PITPNB: variants seen among roughly 807,000 people sequenced by gnomAD.
PITPNB encodes phosphatidylinositol transfer protein beta.
A neutral mutation model predicts 45.9 loss-of-function variants in PITPNB; 16 were observed. The observed-to-expected ratio is 0.35, with a 90% confidence interval of 0.24 to 0.53. PITPNB has a LOEUF of 0.53. Among genes scored for constraint, PITPNB ranks in the 20% least tolerant of loss-of-function variants. The pLI, the probability that PITPNB is intolerant of heterozygous loss-of-function variation, is 0.93. For missense variants in PITPNB, 188 were observed against 330.5 expected (o/e 0.57, Z 3.34); for synonymous variants, 112 against 108.9 (o/e 1.03, Z -0.18).
chr22:27,917,310 G>C (rs1339184585), intron 1 of PITPNB, among the ~76,000 whole-genome samples: 1 of 152,194 alleles, frequency 6.6e-6, no homozygotes, highest in Non-Finnish European at 1.5e-5. Flanking sequence ...CTGTGTGTCT[G>C]TAACACTTTT....
intron 7 of PITPNB, among the ~76,000 whole-genome samples, chr22:27,875,833 C>T (rs955178927): frequency 6.6e-6 from 1 of 152,090 alleles, no homozygotes; most frequent in Non-Finnish European, 1.5e-5. Context: ...AAGAATCAGT[C>T]TAGTTGGGAT....
intron 6 of PITPNB, 32 bp downstream of exon 6, chr22:27,896,520 T>TAAAAC (rs780301963): frequency 6.9e-7 from 1 of 1,447,434 alleles, no homozygotes; most frequent in East Asian, 2.3e-5. Flanking sequence ...TTCCAGGGAC[T>TAAAAC]TTTGTACTAA....
intron 7 of PITPNB, among the ~76,000 whole-genome samples, chr22:27,882,350 T>A (rs1385550416): frequency 6.6e-6 from 1 of 152,186 alleles, no homozygotes; most frequent in Non-Finnish European, 1.5e-5. Flanking sequence ...GAACTAAATG[T>A]ATGGAAAAGC....
chr22:27,856,573 C>T (rs1241915614), intron 10 of PITPNB, among the ~76,000 whole-genome samples: 1 of 152,210 alleles, frequency 6.6e-6, no homozygotes, highest in Non-Finnish European at 1.5e-5. Context: ...GAGTCCAAAC[C>T]AGATAGGGCT....
At chr22:27,886,527 C>A (rs1935126891) in intron 7 of PITPNB, among the ~76,000 whole-genome samples, 1 of 152,148 alleles carries the variant, frequency 6.6e-6, no homozygotes, top group South Asian at 2.1e-4. Context: ...TTCAGTTATG[C>A]CATGAGTCAA....
rs1601376755 is a variant in PITPNB, at chr22:27,860,331, T to C, written c.535-90A>G. 4.6e-5 allele frequency: 32 copies of C among 701,272 alleles called. 1 individual carries two copies. In the South Asian group the frequency reaches 5.8e-4, roughly 13 times the overall value. 43.4% of individuals were successfully genotyped at this position (701,272 alleles called of 1,614,324 possible). A position where few individuals can be genotyped will look rare whatever the true frequency, so the allele number is the denominator to read the frequency against. Reference sequence around the variant, plus strand: ...CTGTTGTATAACGACATCATAGACATACATGAAGAAAATTACAATCTCATG... The same window carrying C: ...CTGTTGTATAACGACATCATAGACACACATGAAGAAAATTACAATCTCATG... On this transcript the variant is annotated intron_variant, in intron 8 of 11. Transcript: ENST00000335272.
chr22:27,879,416 T>C (rs1934907004), intron 7 of PITPNB, among the ~76,000 whole-genome samples: 1 of 152,228 alleles, frequency 6.6e-6, no homozygotes, highest in South Asian at 2.1e-4. Flanking sequence ...GATTCCTGTA[T>C]AGCCCAGAGC....
At chr22:27,901,976 C>T (rs532636264) in intron 3 of PITPNB, among the ~76,000 whole-genome samples, 19 of 152,052 alleles carry the variant, frequency 1.2e-4, no homozygotes, top group South Asian at 4.1e-4. Flanking sequence ...GTGTCCACTG[C>T]GCCAGGCCAG....
chr22:27,870,297 A>G (rs1448713628), intron 8 of PITPNB, among the ~76,000 whole-genome samples: 1 of 152,250 alleles, frequency 6.6e-6, no homozygotes, highest in Admixed American at 6.5e-5. Flanking sequence ...ACCAAGGAAA[A>G]GTTTCTTTAC....
In PITPNB at chr22:27,904,734, T is replaced by C. The variant is rs565589464; in HGVS notation, c.197+6230A>G. Reference sequence around the variant, plus strand: ...GGTAACTTTGATTGATTAACAGTAATGATGGAGATGGAAGAAAGAAAGAAA... The same window carrying C: ...GGTAACTTTGATTGATTAACAGTAACGATGGAGATGGAAGAAAGAAAGAAA... On this transcript the variant is annotated intron_variant, in intron 3 of 11. Transcript: ENST00000335272. Among the ~76,000 whole-genome samples the C allele has an allele frequency of 3.3e-5, 5 of 151,812 alleles. No individual in the cohort carries two copies. The South Asian group carries it at 1.0e-3, about 32-fold the overall frequency.
intron 8 of PITPNB, among the ~76,000 whole-genome samples, chr22:27,871,967 C>A (rs115789300): frequency 6.6e-6 from 1 of 151,890 alleles, no homozygotes; most frequent in African/African-American, 2.4e-5. Context: ...CCATGTGAGA[C>A]GCCTGCTTCT....
chr22:27,899,168 A>G (rs1029497514), intron 3 of PITPNB, among the ~76,000 whole-genome samples: 4 of 152,234 alleles, frequency 2.6e-5, no homozygotes, highest in Admixed American at 1.3e-4. Flanking sequence ...TGTGTTTAGC[A>G]CATTGCACAG....
At chr22:27,872,361 T>C (rs1934691985) in intron 8 of PITPNB, among the ~76,000 whole-genome samples, 1 of 151,822 alleles carries the variant, frequency 6.6e-6, no homozygotes, top group Non-Finnish European at 1.5e-5. Context: ...CCCAAAGTAC[T>C]GGGATTACAG....
rs989767281 is a variant in PITPNB at position 27,883,093 on chromosome 22, C to A, written c.457-9278G>T. Among the ~76,000 whole-genome samples, 53 of 152,218 alleles carry A rather than the reference C, an allele frequency of 3.5e-4. 1 individual carries two copies. The highest frequency in any genetic ancestry group is 1.2e-3 in the African/African-American group (50 of 41,448). Reference sequence around the variant, plus strand: ...CAGAGTTCAGCAGTTGTGGGAGGAGCTGACCAAGACTACTACTGATAAAAA... The same window carrying A: ...CAGAGTTCAGCAGTTGTGGGAGGAGATGACCAAGACTACTACTGATAAAAA... On this transcript the variant is annotated intron_variant, in intron 7 of 11. Coordinates refer to ENST00000335272, the MANE Select transcript of PITPNB (RefSeq NM_012399.5).
At chr22:27,897,251 CAG>C (rs774624827) in intron 4 of PITPNB, 114 bp from the exon 5 acceptor site, 8 of 786,464 alleles carry the variant, frequency 1.0e-5, no homozygotes, top group Non-Finnish European at 1.6e-5. Flanking sequence ...TATCTGAAAA[CAG>C]AACATTTATT....
intron 3 of PITPNB, 134 bp from the exon 4 acceptor site, chr22:27,898,026 C>T: frequency 6.2e-6 from 4 of 646,086 alleles, no homozygotes; most frequent in Non-Finnish European, 1.1e-5. Context: ...TATTTCAATC[C>T]TAAAGTAATC....
chr22:27,856,293 GTCTA>G (rs1317969429), intron 10 of PITPNB, among the ~76,000 whole-genome samples: 5 of 152,280 alleles, frequency 3.3e-5, no homozygotes, highest in Admixed American at 6.5e-5. Context: ...GCTTTTACTT[GTCTA>G]TCTTACACCT....
rs182108424 is a variant in PITPNB, at chr22:27,880,685, C to T, written c.457-6870G>A. Reference sequence around the variant, plus strand: ...TTGCCCAGGCTACAGTGCAATGGCACGATCTCGGCTCACTACAACCTCCGC... The same window carrying T: ...TTGCCCAGGCTACAGTGCAATGGCATGATCTCGGCTCACTACAACCTCCGC... On this transcript the variant is annotated intron_variant, in intron 7 of 11. Transcript: ENST00000335272. 1.1e-4 allele frequency among the ~76,000 whole-genome samples: 17 copies of T among 152,048 alleles called. No homozygotes were observed. In the East Asian group the frequency reaches 2.1e-3, roughly 19 times the overall value.
chr22:27,858,073 G>A (rs1934222369), intron 10 of PITPNB, among the ~76,000 whole-genome samples: 1 of 152,210 alleles, frequency 6.6e-6, no homozygotes, highest in East Asian at 1.9e-4. Context: ...TAAAACGACT[G>A]TGAACCAGGA....
Sources: gnomAD v4.1 joint callset for allele counts (sites outside exome capture counted in the v4.1 genomes callset) on GRCh38, gnomAD v4.1.1 for gene constraint, MANE v1.5 for transcripts, NCBI Gene and HGNC (gene_info 2026-07-23, HGNC 2026-07-21) for gene names.